RNF166: variants seen among roughly 807,000 people sequenced by gnomAD.
RNF166 encodes E3 ubiquitin-protein ligase RNF166.
Under a neutral mutation model 29.4 loss-of-function variants are expected in RNF166, and 19 were observed. The ratio of observed to expected loss-of-function variants is 0.65; its 90% CI spans 0.45 to 0.95. The LOEUF (loss-of-function observed/expected upper bound fraction) is 0.95, where lower values mean the gene tolerates loss of function less well. Among genes scored for constraint, RNF166 ranks in the 40% least tolerant of loss-of-function variants. RNF166 has a pLI of 0.00. For synonymous variants in RNF166, 171 were observed against 134.5 expected, an observed-to-expected ratio of 1.27 and a Z score of -1.88; for missense variants, 347 against 322.1, an observed-to-expected ratio of 1.08 and a Z score of -0.59.
At chr16:88,704,246 CCAA>C (rs1555548805) in intron 1 of RNF166, 1 of 985,322 alleles carries the variant, frequency 1.0e-6, no homozygotes, top group Non-Finnish European at 1.2e-6. Context: ...CTTAGCAACA[CCAA>C]CAAGAAACAA....
chr16:88,705,007 G>A (rs1482406320), intron 1 of RNF166, among the ~76,000 whole-genome samples: 3 of 152,146 alleles, frequency 2.0e-5, no homozygotes, highest in Admixed American at 6.5e-5. Context: ...AAATATTCCC[G>A]TTCAGAGGCT....
Position 88,701,294 on chromosome 16 carries a change from A to T in RNF166, c.280T>A (p.Tyr94Asn). ...TTGCAGCCTCGACAGGGCGCTTTGTAGGATGAGAGCTGCTTCTCCACGTGG... is the reference window on the plus strand; with the variant it reads ...TTGCAGCCTCGACAGGGCGCTTTGTTGGATGAGAGCTGCTTCTCCACGTGG... ...ATHVEKQLSS[Y>N]KAPCRGCNKK... The change falls in exon 2 of 6, where the codon TAC becomes AAC. Residue 94 changes from tyrosine (Y) to asparagine (N), a missense_variant. Physicochemically the swap from Tyr to Asn is moderately radical, Grantham distance 143. Transcript: ENST00000312838. 6.2e-7 allele frequency: 1 copy of T among 1,613,784 alleles called. No homozygotes were observed. Among genetic ancestry groups the T allele is most frequent in the Non-Finnish European group, 8.5e-7 (1 of 1,179,954 alleles).
chr16:88,696,693 G>A lies in RNF166; in HGVS notation c.*875C>T, dbSNP rs567882222. 97 of 431,570 alleles carry A rather than the reference G, an allele frequency of 2.2e-4. No homozygotes were observed. The East Asian group carries it at 4.8e-3, about 21-fold the overall frequency. The allele number at this position is 431,570 out of a possible 1,614,324, so 26.7% of individuals were successfully genotyped here. On this transcript the variant is annotated 3_prime_UTR_variant, in exon 6 of 6. Coordinates refer to ENST00000312838, the MANE Select transcript of RNF166 (RefSeq NM_178841.4). ...CACAGTCAGCTTTGAAGGTGACAGC[G>A]GGCCAAGGCCAGGACTCTGGGTGGA...
rs1364155770 is a variant in RNF166, at chr16:88,697,286, T to C, written c.*282A>G. On this transcript the variant is annotated 3_prime_UTR_variant, in exon 6 of 6. Transcript: ENST00000312838. ...ATGGCTTTGAAGAGACGGCGGCAGC[T>C]CCAGGTCCCAGCGTCCAGCCCTGCC... 1 of 319,698 alleles carries C rather than the reference T, an allele frequency of 3.1e-6. No homozygotes were observed. The highest frequency in any genetic ancestry group is 5.8e-6 in the Non-Finnish European group (1 of 171,960). The allele number at this position is 319,698 out of a possible 1,614,324, so 19.8% of individuals were successfully genotyped here.
intron 1 of RNF166, chr16:88,704,045 G>T (rs1453546515): frequency 1.0e-6 from 1 of 985,352 alleles, no homozygotes; most frequent in East Asian, 1.1e-4. Flanking sequence ...CCCCCAGGGG[G>T]CCTCCTGCGC....
At position 88,703,080 on chromosome 16, in the gene RNF166, A is replaced by G; in HGVS notation, c.156-1662T>C. The G allele has an allele frequency of 4.1e-6, 4 of 985,534 alleles. 1 individual carries two copies. In the South Asian group the frequency reaches 1.9e-4, roughly 46 times the overall value. The allele number at this position is 985,534 out of a possible 1,614,324, so 61.0% of individuals were successfully genotyped here. A position where few individuals can be genotyped will look rare whatever the true frequency, so the allele number is the denominator to read the frequency against. On this transcript the variant is annotated intron_variant, in intron 1 of 5. Transcript: ENST00000312838. ...CACCACGCACCGGAAGGCCTGGAAA[A>G]CAGTGCAGGGCAGACAGCAAGCACG...
chr16:88,703,276 T>C (rs888832439), intron 1 of RNF166: 6 of 984,286 alleles, frequency 6.1e-6, no homozygotes, highest in Non-Finnish European at 7.2e-6. Context: ...GCAAACACAC[T>C]GGAAACGACT....
rs1240934987 is a variant in RNF166 at position 88,699,027 on chromosome 16, G to A, written c.484C>T (p.Gln162Ter). 6.2e-7 allele frequency: 1 copy of A among 1,610,470 alleles called. No individual in the cohort carries two copies. The highest frequency in any genetic ancestry group is 8.5e-7 in the Non-Finnish European group (1 of 1,178,912). Residue 162 changes from glutamine to a stop codon, truncating the protein, a stop_gained, in exon 4 of 6, where the codon CAG (glutamine) becomes TAG (stop). Transcript: ENST00000312838. LOFTEE classifies it high-confidence loss of function. ...CPYCGARNLD[Q>*]QELVKHCVES... ...ACACAGTGCTTCACCAGCTCCTGCT[G>A]GTCCAGGTTGCGGGCACCACAGTAC...
intron 1 of RNF166, among the ~76,000 whole-genome samples, chr16:88,702,161 C>CTGCTA (rs371583907): frequency 6.6e-6 from 1 of 152,390 alleles, no homozygotes; most frequent in African/African-American, 2.4e-5. Flanking sequence ...CACCCTCCCG[C>CTGCTA]TCTGCAGACG....
rs1398264698 is a variant in RNF166, at chr16:88,696,633, C to T, written c.*935G>A. 1 of 451,988 alleles carries T rather than the reference C, an allele frequency of 2.2e-6. No homozygotes were observed. The highest frequency in any genetic ancestry group is 2.4e-5 in the Admixed American group (1 of 40,946). 28.0% of individuals were successfully genotyped at this position (451,988 alleles called of 1,614,324 possible). ...CCCCTGCCCAGGCCCCCAAGCTCTG[C>T]CACCACTGGGGTGCCGTCCCCTCCC... On this transcript the variant is annotated 3_prime_UTR_variant, in exon 6 of 6. Coordinates refer to ENST00000312838, the MANE Select transcript of RNF166 (RefSeq NM_178841.4).
At chr16:88,700,559 T>G (rs1910113678) in intron 2 of RNF166, 2 of 971,316 alleles carry the variant, frequency 2.1e-6, no homozygotes, top group Admixed American at 6.4e-5. Flanking sequence ...GTGTGAGCGC[T>G]TCATAGAACT....
At chr16:88,701,636 A>G in intron 1 of RNF166, 1 of 522,636 alleles carries the variant, frequency 1.9e-6, no homozygotes, top group Non-Finnish European at 3.3e-6. Flanking sequence ...CCCTCCTGAC[A>G]GTAGGCCCCT....
Position 88,706,383 on chromosome 16 carries a change from A to T in RNF166, c.-58T>A. The T allele has an allele frequency of 8.2e-7, 1 of 1,214,144 alleles. No individual in the cohort carries two copies. The highest frequency in any genetic ancestry group is 1.0e-6 in the Non-Finnish European group (1 of 971,688). 75.2% of individuals were successfully genotyped at this position (1,214,144 alleles called of 1,614,324 possible). A position where few individuals can be genotyped will look rare whatever the true frequency, so the allele number is the denominator to read the frequency against. On this transcript the variant is annotated 5_prime_UTR_variant, in exon 1 of 6. Transcript: ENST00000312838. ...CTGTCCTGGCCCGGGCCGGCCCGCT[A>T]GTCACAGCCGCTACTGCGCCGCGCT...
chr16:88,703,016 C>T lies in RNF166; in HGVS notation c.156-1598G>A, dbSNP rs1910413152. 3.0e-6 allele frequency: 3 copies of T among 985,268 alleles called. No homozygotes were observed. In the South Asian group the frequency reaches 1.4e-4, roughly 46 times the overall value. 61.0% of individuals were successfully genotyped at this position (985,268 alleles called of 1,614,324 possible). On this transcript the variant is annotated intron_variant, in intron 1 of 5. Coordinates refer to ENST00000312838, the MANE Select transcript of RNF166 (RefSeq NM_178841.4). ...GAAGAGACGGCGTGGCGTGCACACC[C>T]ATGGAAAGGGCGTTCGGCCGGGAAG... is the stretch of plus-strand genomic sequence containing the variant.
At chr16:88,698,184 GCT>G in intron 5 of RNF166, 2 of 606,650 alleles carry the variant, frequency 3.3e-6, no homozygotes, top group South Asian at 3.9e-5. Flanking sequence ...TCCTTCCCGC[GCT>G]CTCTAGAAAG....
chr16:88,701,247 C>A lies in RNF166; in HGVS notation c.312+15G>T. On this transcript the variant is annotated intron_variant, in intron 2 of 5. Transcript: ENST00000312838. ...AAGTGACCCCGGCTCCAGGGCGGCC[C>A]AAGCAGGCGGGTACCTTTTTGTTGC... is the stretch of plus-strand genomic sequence containing the variant. 1 of 1,613,422 alleles carries A rather than the reference C, an allele frequency of 6.2e-7. No individual in the cohort carries two copies. Among genetic ancestry groups the A allele is most frequent in the Non-Finnish European group, 8.5e-7 (1 of 1,179,876 alleles).
rs1392894790 is a variant in RNF166, at chr16:88,700,754, T to G, written c.312+508A>C. ...AGGACAGGATGGACATGGGGGCCAA[T>G]GAGGCCCATGACAAGCTGCAGGCCC... On this transcript the variant is annotated intron_variant, in intron 2 of 5. Coordinates refer to ENST00000312838, the MANE Select transcript of RNF166 (RefSeq NM_178841.4). 4 of 995,488 alleles carry G rather than the reference T, an allele frequency of 4.0e-6. No homozygotes were observed. In the East Asian group the frequency reaches 4.5e-4, roughly 112 times the overall value. The allele number at this position is 995,488 out of a possible 1,614,324, so 61.7% of individuals were successfully genotyped here. A position where few individuals can be genotyped will look rare whatever the true frequency, so the allele number is the denominator to read the frequency against.
In RNF166 at chr16:88,700,542, C is replaced by T. The variant is rs902832032; in HGVS notation, c.312+720G>A. On this transcript the variant is annotated intron_variant, in intron 2 of 5. Transcript: ENST00000312838. ...TCGAGGACAAACCACCGAGGGGCCA[C>T]GTACTAGTGTGAGCGCTTCATAGAA... is the stretch of plus-strand genomic sequence containing the variant. The T allele has an allele frequency of 6.6e-5, 62 of 940,938 alleles. No homozygotes were observed. The African/African-American group carries it at 7.1e-4, about 11-fold the overall frequency. The allele number at this position is 940,938 out of a possible 1,614,324, so 58.3% of individuals were successfully genotyped here. A position where few individuals can be genotyped will look rare whatever the true frequency, so the allele number is the denominator to read the frequency against.
At chr16:88,702,793 G>A (rs1910385689) in intron 1 of RNF166, 10 of 985,456 alleles carry the variant, frequency 1.0e-5, no homozygotes, top group Non-Finnish European at 1.2e-5. Flanking sequence ...TTCTCACCAG[G>A]CGCCCCAGCA....
Sources: gnomAD v4.1 joint callset for allele counts (sites outside exome capture counted in the v4.1 genomes callset) on GRCh38, gnomAD v4.1.1 for gene constraint, MANE v1.5 for transcripts, NCBI Gene and HGNC (gene_info 2026-07-23, HGNC 2026-07-21) for gene names.